LETM1: variants seen among roughly 807,000 people sequenced by gnomAD.
LETM1 encodes leucine zipper and EF-hand containing transmembrane protein 1.
In LETM1, 50 loss-of-function variants were observed where a neutral mutation model predicts 74.5. The observed-to-expected ratio is 0.67, with a 90% confidence interval of 0.53 to 0.85. The LOEUF (loss-of-function observed/expected upper bound fraction) is 0.85, where lower values mean the gene tolerates loss of function less well. Among genes scored for constraint, LETM1 ranks in the 40% least tolerant of loss-of-function variants. The pLI, the probability that LETM1 is intolerant of heterozygous loss-of-function variation, is 0.00. For missense variants in LETM1, 824 were observed against 967.8 expected, an observed-to-expected ratio of 0.85 and a Z score of 1.97; for synonymous variants, 446 against 407.1, an observed-to-expected ratio of 1.10 and a Z score of -1.15.
chr4:1,822,283 A>C lies in LETM1; in HGVS notation c.1506T>G (p.Ala502=). ...AKDFEPERVV[A]APQRPGTEPQ... ...GCTCGGTCCCCGGCCTTTGGGGAGCAGCTACCACACGTTCGGGCTCAAAAT... is the reference window on the plus strand; with the variant it reads ...GCTCGGTCCCCGGCCTTTGGGGAGCCGCTACCACACGTTCGGGCTCAAAAT... The change falls in exon 10 of 14, where the codon GCT becomes GCG. Residue 502 remains alanine (A), a synonymous_variant. Transcript: ENST00000302787. 1 of 1,534,488 alleles carries C rather than the reference A, an allele frequency of 6.5e-7. No homozygotes were observed. Among genetic ancestry groups the C allele is most frequent in the Non-Finnish European group, 8.8e-7 (1 of 1,132,986 alleles).
In LETM1 at chr4:1,836,522, G is replaced by A. The variant is rs753201496; in HGVS notation, c.645C>T (p.Phe215=). The A allele has an allele frequency of 5.0e-6, 8 of 1,613,948 alleles. No homozygotes were observed. In the East Asian group the frequency reaches 8.9e-5, roughly 18 times the overall value. The change falls in exon 4 of 14, where the codon TTC becomes TTT. Residue 215 remains phenylalanine (F), a synonymous_variant. Transcript: ENST00000302787. This position sits in a 1 kb window ranked among gnomAD's most constrained non-coding sequence, Gnocchi z 5.8. ...DLFRLVPFLV[F]VVVPFMEFLL... is the part of the protein sequence containing the mutation. ...GAAACTCCATGAACGGCACCACCACGAACACAAGGAACGGCACCAGGCGGA... is the reference window on the plus strand; with the variant it reads ...GAAACTCCATGAACGGCACCACCACAAACACAAGGAACGGCACCAGGCGGA...
chr4:1,844,092 C>T (rs1255223008), intron 2 of LETM1, among the ~76,000 whole-genome samples: 1 of 152,160 alleles, frequency 6.6e-6, no homozygotes, highest in Non-Finnish European at 1.5e-5. Context: ...TGTCGACAGG[C>T]AAAGACGAAG....
intron 9 of LETM1, chr4:1,822,763 A>G (rs919653120): frequency 6.2e-5 from 25 of 405,952 alleles, no homozygotes; most frequent in African/African-American, 3.9e-4. Context: ...CGGCTAAGGT[A>G]TATCTCCCAT....
At chr4:1,850,642 CAGAAAAAAAAA>C (rs1418266019) in intron 1 of LETM1, among the ~76,000 whole-genome samples, 32 of 83,098 alleles carry the variant, frequency 3.9e-4, no homozygotes, top group African/African-American at 1.4e-3. Context: ...GACTCTGTCT[CAGAAAAAAAAA>C]AAAAAAAAAA....
chr4:1,840,515 A>C lies in LETM1; in HGVS notation c.594+832T>G, dbSNP rs541189730. Among the ~76,000 whole-genome samples, 894 of 151,758 alleles carry C rather than the reference A, an allele frequency of 5.9e-3. 12 individuals carry two copies. The highest frequency in any genetic ancestry group is 0.01 in the Non-Finnish European group (713 of 67,916). ...ACCCCGTCTCTACTAAAAATACAAA[A>C]AATTAGCCGGGCGTGGTGGCGGGTG... is the stretch of plus-strand genomic sequence containing the variant. On this transcript the variant is annotated intron_variant, in intron 3 of 13. Coordinates refer to ENST00000302787, the MANE Select transcript of LETM1 (RefSeq NM_012318.3).
rs576104116 is a variant in LETM1, at chr4:1,836,219, AAAAT to A, written c.738+206_738+209del. ...GGTGACAGAGCGAGACCCTGTTTCA[AAAAT>A]AAATAAATAAATAAATAAATAACGA... On this transcript the variant is annotated intron_variant, in intron 4 of 13. Transcript: ENST00000302787. This position sits in a 1 kb window ranked among gnomAD's most constrained non-coding sequence, Gnocchi z 5.8. Among the ~76,000 whole-genome samples the A allele has an allele frequency of 5.3e-5, 8 of 152,280 alleles. No homozygotes were observed. The South Asian group carries it at 1.2e-3, about 24-fold the overall frequency.
In LETM1 at chr4:1,834,604, G is replaced by C. The variant is rs1712398572; in HGVS notation, c.876+241C>G. 7.4e-7 allele frequency: 1 copy of C among 1,342,918 alleles called. No individual in the cohort carries two copies. The highest frequency in any genetic ancestry group is 9.6e-7 in the Non-Finnish European group (1 of 1,045,418). 83.2% of individuals were successfully genotyped at this position (1,342,918 alleles called of 1,614,324 possible). A position where few individuals can be genotyped will look rare whatever the true frequency, so the allele number is the denominator to read the frequency against. ...CTCCTGGACAGCTGCAGGGTGATGA[G>C]ACACAGACGCCCATAATTCTGAAGG... On this transcript the variant is annotated intron_variant, in intron 5 of 13. Coordinates refer to ENST00000302787, the MANE Select transcript of LETM1 (RefSeq NM_012318.3). This position sits in a 1 kb window ranked among gnomAD's most constrained non-coding sequence, Gnocchi z 5.0.
At position 1,825,523 on chromosome 4, in the gene LETM1, T is replaced by A. The variant is rs775662185; in HGVS notation, c.1200+41A>T. The A allele has an allele frequency of 3.1e-6, 5 of 1,589,254 alleles. No homozygotes were observed. In the Admixed American group the frequency reaches 8.4e-5, roughly 27 times the overall value. On this transcript the variant is annotated intron_variant, in intron 7 of 13. Coordinates refer to ENST00000302787, the MANE Select transcript of LETM1 (RefSeq NM_012318.3). ...GGCCTTTCGAGGCTGATGTTTCCCT[T>A]GAGCCCGTGCCGGCCTGGCACCAGG...
At chr4:1,827,337 G>C (rs1712030646) in intron 6 of LETM1, among the ~76,000 whole-genome samples, 1 of 132,874 alleles carries the variant, frequency 7.5e-6, no homozygotes, top group East Asian at 2.1e-4. Flanking sequence ...TTCTCACAGA[G>C]GGGGATTTGG....
At chr4:1,855,023 C>CA (rs1313693172) in intron 1 of LETM1, among the ~76,000 whole-genome samples, 6 of 150,696 alleles carry the variant, frequency 4.0e-5, no homozygotes, top group South Asian at 2.1e-4. Context: ...CCTGTCTCTA[C>CA]AAAAAAACTA....
chr4:1,822,793 G>A (rs1211061371), intron 9 of LETM1, 195 bp downstream of exon 9: 20 of 444,950 alleles, frequency 4.5e-5, no homozygotes, highest in Non-Finnish European at 7.0e-5. Context: ...TGTGGCCATC[G>A]GGGAGTCCCC....
Position 1,815,669 on chromosome 4 carries a change from C to T in LETM1, c.2065G>A (p.Val689Ile), listed in dbSNP as rs764388123. Reference protein sequence around the residue: ...KDGKVNIDDLVKVIELVDKED... With the variant: ...KDGKVNIDDLIKVIELVDKED... ...TGGTCCCCAGCGAGGCCCACCTTGA[C>T]GAGGTCGTCGATGTTGACCTTGCCA... The change falls in exon 13 of 14, where the codon GTC becomes ATC. Residue 689 changes from valine to isoleucine, a missense_variant. By Grantham distance (29) the Val-to-Ile change is conservative. Around this residue, in one of 4 missense-constraint regions of LETM1, gnomAD observed 161 missense variants for 252.7 expected, o/e 0.64. Coordinates refer to ENST00000302787, the MANE Select transcript of LETM1 (RefSeq NM_012318.3). 13 of 1,614,016 alleles carry T rather than the reference C, an allele frequency of 8.1e-6. No homozygotes were observed. Among genetic ancestry groups the T allele is most frequent in the South Asian group, 3.3e-5 (3 of 91,080 alleles).
chr4:1,820,718 T>A (rs950654663), intron 10 of LETM1, among the ~76,000 whole-genome samples: 1 of 152,168 alleles, frequency 6.6e-6, no homozygotes, highest in Non-Finnish European at 1.5e-5. Context: ...TCTGTTAATA[T>A]GGAAATTACA....
In LETM1 at chr4:1,855,855, T is replaced by C. The variant is rs1713223402; in HGVS notation, c.82+14A>G. On this transcript the variant is annotated intron_variant, in intron 1 of 13. Transcript: ENST00000302787. ...GCCGGGAGCCGGCCCCGCCCTGGGG[T>C]GCCCGCCGCTTACCCCGCGGGACGG... 2 of 1,222,942 alleles carry C rather than the reference T, an allele frequency of 1.6e-6. No homozygotes were observed. The highest frequency in any genetic ancestry group is 2.0e-6 in the Non-Finnish European group (2 of 983,082). 75.8% of individuals were successfully genotyped at this position (1,222,942 alleles called of 1,614,324 possible). A position where few individuals can be genotyped will look rare whatever the true frequency, so the allele number is the denominator to read the frequency against.
chr4:1,822,963 G>A (rs753892481), intron 9 of LETM1, 25 bp downstream of exon 9: 38 of 1,447,626 alleles, frequency 2.6e-5, no homozygotes, highest in Non-Finnish European at 3.4e-5. Flanking sequence ...AGCCCCACGC[G>A]GCACGGAGCA....
At chr4:1,817,154 A>G (rs1480823197) in intron 11 of LETM1, among the ~76,000 whole-genome samples, 2 of 148,848 alleles carry the variant, frequency 1.3e-5, no homozygotes, top group Non-Finnish European at 3.0e-5. Context: ...CTGAGGCAGG[A>G]GAATCGCTTG....
chr4:1,846,969 T>C (rs1331774489), intron 2 of LETM1, among the ~76,000 whole-genome samples: 2 of 152,162 alleles, frequency 1.3e-5, no homozygotes. Context: ...TTAGAAAAGA[T>C]AATGAAAAGA....
intron 1 of LETM1, among the ~76,000 whole-genome samples, chr4:1,850,681 C>T (rs1175473662): frequency 6.7e-6 from 1 of 148,990 alleles, no homozygotes. Context: ...ACTAGAACCA[C>T]AGGCCGGGCA....
intron 6 of LETM1, among the ~76,000 whole-genome samples, chr4:1,829,050 C>G (rs1340391046): frequency 8.5e-6 from 1 of 118,056 alleles, no homozygotes; most frequent in South Asian, 2.7e-4. Flanking sequence ...CTGACCCCCC[C>G]ACCTCCCTCC....
Sources: allele counts gnomAD v4.1 joint callset (sites outside exome capture counted in the v4.1 genomes callset), GRCh38; gene constraint gnomAD v4.1.1; regional missense constraint gnomAD v4.1.1; non-coding constraint Gnocchi (gnomAD v3.1); transcripts MANE v1.5; gene names NCBI Gene and HGNC (gene_info 2026-07-23, HGNC 2026-07-21).